Variants in WDR49 observed in about 807,000 individuals in gnomAD.
WDR49 encodes WD repeat domain 49, also known as cilia- and flagella-associated protein 337.
A neutral mutation model predicts 119.5 loss-of-function variants in WDR49; 107 were observed. The ratio of observed to expected loss-of-function variants is 0.90; its 90% CI spans 0.77 to 1.05. The LOEUF (loss-of-function observed/expected upper bound fraction) is 1.05. WDR49 is among the 50% of genes least tolerant of loss of function. The pLI is 0.00. For synonymous variants in WDR49, 425 were observed against 418.8 expected (o/e 1.01, Z -0.18); for missense variants, 1,240 against 1,220.5 (o/e 1.02, Z -0.24).
At position 167,536,989 on chromosome 3, in the gene WDR49, A is replaced by G. The variant is rs773584311; in HGVS notation, c.1835T>C (p.Val612Ala). Reference protein sequence around the residue: ...SWKTIGRAITVFRPQNFNQFF... With the variant: ...SWKTIGRAITAFRPQNFNQFF... ...TTGATTGAAGTTTTGGGGTCGAAAC[A>G]CAGTAATAGCCCTAGCAAAAAGGAT... The change falls in exon 11 of 19, where the codon GTG becomes GCG. Residue 612 changes from valine (V) to alanine (A), a missense_variant. Physicochemically the swap from Val to Ala is moderately conservative, Grantham distance 64. Coordinates refer to ENST00000682715, the MANE Select transcript of WDR49 (RefSeq NM_001366157.1). 7 of 1,586,336 alleles carry G rather than the reference A, an allele frequency of 4.4e-6. No individual in the cohort carries two copies. Among genetic ancestry groups the G allele is most frequent in the Non-Finnish European group, 6.0e-6 (7 of 1,166,732 alleles).
At chr3:167,584,893 T>C (rs1714726824) in intron 7 of WDR49, among the ~76,000 whole-genome samples, 1 of 152,084 alleles carries the variant, frequency 6.6e-6, no homozygotes. Flanking sequence ...ATAAAGAAAA[T>C]CATTCCTTAG....
intron 2 of WDR49, among the ~76,000 whole-genome samples, chr3:167,643,615 T>C (rs976513389): frequency 1.3e-5 from 2 of 152,106 alleles, no homozygotes; most frequent in Admixed American, 1.3e-4. Flanking sequence ...TTGAATTTCC[T>C]GTGTACAAAA....
At chr3:167,505,507 C>A (rs1751733945) in intron 16 of WDR49, 91 bp from the exon 17 acceptor site, 1 of 1,332,888 alleles carries the variant, frequency 7.5e-7, no homozygotes, top group Admixed American at 3.8e-5. Context: ...CCAAAAAAAA[C>A]AAAAACAAAA....
intron 5 of WDR49, 72 bp from the exon 6 acceptor site, chr3:167,604,540 T>TG: frequency 7.2e-7 from 1 of 1,390,966 alleles, no homozygotes. Context: ...AATGGAGCTG[T>TG]TTTAATATGG....
At chr3:167,533,006 T>G (rs773927726) in intron 11 of WDR49, 29 bp from the exon 12 acceptor site, 27 of 1,489,900 alleles carry the variant, frequency 1.8e-5, no homozygotes, top group Non-Finnish European at 2.5e-5. Flanking sequence ...AGAATATAAA[T>G]TGCCAGGAGA....
At position 167,576,006 on chromosome 3, in the gene WDR49, A is replaced by G; in HGVS notation, c.1421T>C (p.Leu474Ser). The G allele has an allele frequency of 1.2e-6, 2 of 1,614,088 alleles. No homozygotes were observed. Among genetic ancestry groups the G allele is most frequent in the Non-Finnish European group, 1.7e-6 (2 of 1,179,996 alleles). The change falls in exon 8 of 19, where the codon TTG becomes TCG. Residue 474 changes from leucine (L) to serine (S), a missense_variant. Leu to Ser is a moderately radical substitution (Grantham distance 145, BLOSUM62 -2). Transcript: ENST00000682715. ...LFISFNNQLA[L>S]LAMKSEASKR... ...GCTGGCTTCACTTTTCATTGCCAACAATGCTAGCTGGTTATTAAACGAGAT... is the reference window on the plus strand; with the variant it reads ...GCTGGCTTCACTTTTCATTGCCAACGATGCTAGCTGGTTATTAAACGAGAT...
chr3:167,483,211 G>T (rs936730501), intron 18 of WDR49, among the ~76,000 whole-genome samples: 1 of 152,186 alleles, frequency 6.6e-6, no homozygotes, highest in African/African-American at 2.4e-5. Flanking sequence ...AGATAATGTG[G>T]ATAACTGTAC....
intron 18 of WDR49, among the ~76,000 whole-genome samples, chr3:167,480,772 G>A (rs1560241709): frequency 6.6e-6 from 1 of 152,206 alleles, no homozygotes; most frequent in Non-Finnish European, 1.5e-5. Flanking sequence ...GCCAGCAGCA[G>A]CATCTTAGAA....
intron 7 of WDR49, among the ~76,000 whole-genome samples, chr3:167,596,208 T>A (rs1175741776): frequency 1.8e-4 from 27 of 151,902 alleles, no homozygotes; most frequent in Admixed American, 1.0e-3. Flanking sequence ...ATCATTAAAA[T>A]GTCAGGAAAC....
chr3:167,634,341 A>G (rs1242818279), intron 2 of WDR49, among the ~76,000 whole-genome samples: 1 of 151,914 alleles, frequency 6.6e-6, no homozygotes, highest in Non-Finnish European at 1.5e-5. Flanking sequence ...CATCTATTTA[A>G]CTGCTAAGAA....
intron 18 of WDR49, among the ~76,000 whole-genome samples, chr3:167,484,007 G>T (rs907399143): frequency 6.6e-6 from 1 of 152,158 alleles, no homozygotes; most frequent in South Asian, 2.1e-4. Flanking sequence ...ACTCAACAGA[G>T]TATGCAGTAG....
chr3:167,629,604 G>A (rs1717278950), intron 2 of WDR49, among the ~76,000 whole-genome samples: 1 of 152,076 alleles, frequency 6.6e-6, no homozygotes, highest in Non-Finnish European at 1.5e-5. Context: ...TTCCTCTGGT[G>A]GATGTGAGCA....
At chr3:167,514,626 C>G (rs1752122225) in intron 16 of WDR49, among the ~76,000 whole-genome samples, 1 of 98,516 alleles carries the variant, frequency 1.0e-5, no homozygotes, top group African/African-American at 3.6e-5. Flanking sequence ...GAAGGAGATG[C>G]AGACACACAC....
At chr3:167,572,740 CT>C (rs1714007754) in intron 8 of WDR49, among the ~76,000 whole-genome samples, 1 of 152,120 alleles carries the variant, frequency 6.6e-6, no homozygotes, top group Non-Finnish European at 1.5e-5. Context: ...GGGAAAACAA[CT>C]AAAAAATGCG....
At position 167,629,412 on chromosome 3, in the gene WDR49, C is replaced by T. The variant is rs534591370; in HGVS notation, c.166-2120G>A. On this transcript the variant is annotated intron_variant, in intron 2 of 18. Coordinates refer to ENST00000682715, the MANE Select transcript of WDR49 (RefSeq NM_001366157.1). ...AAATATTCCTTTTAAAAGGGTACTGCTCCACCATGTCCCTGGTGGCTCAAG... is the reference window on the plus strand; with the variant it reads ...AAATATTCCTTTTAAAAGGGTACTGTTCCACCATGTCCCTGGTGGCTCAAG... Among the ~76,000 whole-genome samples the T allele has an allele frequency of 5.9e-5, 9 of 152,192 alleles. No homozygotes were observed. In the South Asian group the frequency reaches 1.9e-3, roughly 32 times the overall value.
In WDR49 at chr3:167,505,306, C is replaced by T; in HGVS notation, c.2884+1G>A. On this transcript the variant is annotated splice_donor_variant, in intron 17 of 18. Transcript: ENST00000682715. LOFTEE classifies it high-confidence loss of function. Reference sequence around the variant, plus strand: ...ATACATTAACAACAGTGACTACTTACTGAATGATTTTTTTATAACTTCACC... The same window carrying T: ...ATACATTAACAACAGTGACTACTTATTGAATGATTTTTTTATAACTTCACC... 1 of 1,500,404 alleles carries T rather than the reference C, an allele frequency of 6.7e-7. No homozygotes were observed. Among genetic ancestry groups the T allele is most frequent in the Non-Finnish European group, 8.8e-7 (1 of 1,132,324 alleles). The allele number at this position is 1,500,404 out of a possible 1,614,324, so 92.9% of individuals were successfully genotyped here. A position where few individuals can be genotyped will look rare whatever the true frequency, so the allele number is the denominator to read the frequency against.
chr3:167,587,646 C>T (rs1326903336), intron 7 of WDR49, among the ~76,000 whole-genome samples: 1 of 151,990 alleles, frequency 6.6e-6, no homozygotes, highest in East Asian at 1.9e-4. Context: ...CCACCATGCC[C>T]ACTAATTTTT....
At position 167,653,274 on chromosome 3, in the gene WDR49, T is replaced by C. The variant is rs1718475165; in HGVS notation, c.152A>G (p.Gln51Arg). The C allele has an allele frequency of 6.5e-7, 1 of 1,536,210 alleles. No homozygotes were observed. The highest frequency in any genetic ancestry group is 8.7e-7 in the Non-Finnish European group (1 of 1,146,884). Reference sequence around the variant, plus strand: ...CTTCACACTTACCTCAAAGGCCTTCTGTATTTTTACAAAGTCACCCACGCT... The same window carrying C: ...CTTCACACTTACCTCAAAGGCCTTCCGTATTTTTACAAAGTCACCCACGCT... ...QLSVGDFVKI[Q>R]KAFESPQPRK... Residue 51 changes from glutamine (Q) to arginine (R), a missense_variant, in exon 2 of 19, where the codon CAG (glutamine) becomes CGG (arginine). By Grantham distance (43) the Gln-to-Arg change is conservative (BLOSUM62 1). Coordinates refer to ENST00000682715, the MANE Select transcript of WDR49 (RefSeq NM_001366157.1).
In WDR49 at chr3:167,506,430, C is replaced by T. The variant is rs73878733; in HGVS notation, c.2775-1014G>A. ...TCTTTTTCCTCCACTCTATTTTTAC[C>T]GTATCTTCCAATTTTAAAAGATTTT... is the stretch of plus-strand genomic sequence containing the variant. On this transcript the variant is annotated intron_variant, in intron 16 of 18. Coordinates refer to ENST00000682715, the MANE Select transcript of WDR49 (RefSeq NM_001366157.1). 6.0e-3 allele frequency among the ~76,000 whole-genome samples: 918 copies of T among 152,138 alleles called. 8 individuals carry two copies. The highest frequency in any genetic ancestry group is 0.021 in the African/African-American group (856 of 41,528).
Sources: gnomAD v4.1 joint callset for allele counts (sites outside exome capture counted in the v4.1 genomes callset) on GRCh38, gnomAD v4.1.1 for gene constraint, MANE v1.5 for transcripts, NCBI Gene and HGNC (gene_info 2026-07-23, HGNC 2026-07-21) for gene names.